RNF144B: variants seen among roughly 807,000 people sequenced by gnomAD.
RNF144B encodes the protein ring finger protein 144B.
In RNF144B, 25 loss-of-function variants were observed where a neutral mutation model predicts 40.2. The ratio of observed to expected loss-of-function variants is 0.62; its 90% CI spans 0.45 to 0.87. The LOEUF is 0.87. RNF144B is among the 40% of genes least tolerant of loss of function. The pLI, the probability that RNF144B is intolerant of heterozygous loss-of-function variation, is 0.00. For missense variants in RNF144B, 365 were observed against 373.7 expected, an observed-to-expected ratio of 0.98 and a Z score of 0.19; for synonymous variants, 145 against 136.3, an observed-to-expected ratio of 1.06 and a Z score of -0.44.
Position 18,422,771 on chromosome 6 carries a change from G to C in RNF144B, c.166-4810G>C, listed in dbSNP as rs1672321084. Among the ~76,000 whole-genome samples the C allele has an allele frequency of 6.6e-6, 1 of 152,150 alleles. No individual in the cohort carries two copies. Among genetic ancestry groups the C allele is most frequent in the African/African-American group, 2.4e-5 (1 of 41,428 alleles). On this transcript the variant is annotated intron_variant, in intron 2 of 7. Coordinates refer to ENST00000259939, the MANE Select transcript of RNF144B (RefSeq NM_182757.4). This position sits in a 1 kb window ranked among gnomAD's most constrained non-coding sequence, Gnocchi z 4.7. ...GAGCCCAGGAGTTTGAGACCAGCCT[G>C]CTTGGGCAACATAGACCCAATTTCA...
In RNF144B at chr6:18,414,131, C is replaced by T. The variant is rs1795101084; in HGVS notation, c.166-13450C>T. ...AATGTAACTTATAATTAGAAAGATGCTGATTTTGCTGTGGAGTCATTGAAT... is the reference window on the plus strand; with the variant it reads ...AATGTAACTTATAATTAGAAAGATGTTGATTTTGCTGTGGAGTCATTGAAT... On this transcript the variant is annotated intron_variant, in intron 2 of 7. Transcript: ENST00000259939. The surrounding 1 kb of genome is among the most constrained non-coding windows in gnomAD (Gnocchi z 4.9). Among the ~76,000 whole-genome samples, 1 of 152,158 alleles carries T rather than the reference C, an allele frequency of 6.6e-6. No homozygotes were observed. Among genetic ancestry groups the T allele is most frequent in the South Asian group, 2.1e-4 (1 of 4,836 alleles).
chr6:18,433,550 T>C (rs1226817867), intron 3 of RNF144B, among the ~76,000 whole-genome samples: 1 of 152,202 alleles, frequency 6.6e-6, no homozygotes, highest in Admixed American at 6.5e-5. Context: ...TTTTTACTTA[T>C]GACTGAGTGG....
chr6:18,392,035 T>TTA (rs773045415), intron 1 of RNF144B, among the ~76,000 whole-genome samples: 4 of 71,082 alleles, frequency 5.6e-5, no homozygotes, highest in East Asian at 9.9e-4. Context: ...CCATCTCTAC[T>TTA]AAAAAAAAAA....
intron 1 of RNF144B, among the ~76,000 whole-genome samples, chr6:18,397,495 T>C (rs2113458691): frequency 6.6e-6 from 1 of 152,360 alleles, no homozygotes; most frequent in Non-Finnish European, 1.5e-5. Flanking sequence ...TGATATAAAA[T>C]ATGAATATGT....
rs1795101726 is a variant in RNF144B at position 18,414,174 on chromosome 6, A to C, written c.166-13407A>C. Among the ~76,000 whole-genome samples the C allele has an allele frequency of 6.6e-6, 1 of 152,176 alleles. No individual in the cohort carries two copies. The highest frequency in any genetic ancestry group is 2.1e-4 in the South Asian group (1 of 4,822). Reference sequence around the variant, plus strand: ...CATTGAATATCATTATTTCAAAATAATTTTGAATAAAATGAGATTTCTAAT... The same window carrying C: ...CATTGAATATCATTATTTCAAAATACTTTTGAATAAAATGAGATTTCTAAT... On this transcript the variant is annotated intron_variant, in intron 2 of 7. Transcript: ENST00000259939. The surrounding 1 kb of genome is among the most constrained non-coding windows in gnomAD (Gnocchi z 4.9).
At position 18,402,422 on chromosome 6, in the gene RNF144B, A is replaced by T. The variant is rs1794813410; in HGVS notation, c.165+2723A>T. On this transcript the variant is annotated intron_variant, in intron 2 of 7. Coordinates refer to ENST00000259939, the MANE Select transcript of RNF144B (RefSeq NM_182757.4). ...TTAGAGAGACCTGGCCTTTAAATAG[A>T]TGCCCCAAGTGTGTTCCACGGACCA... Among the ~76,000 whole-genome samples, 2 of 88,536 alleles carry T rather than the reference A, an allele frequency of 2.3e-5. 1 individual carries two copies. The highest frequency in any genetic ancestry group is 5.3e-5 in the Non-Finnish European group (2 of 37,514). The allele number at this position is 88,536 out of a possible 152,430, so 58.1% of individuals were successfully genotyped here.
At chr6:18,462,745 T>G (rs984918528) in intron 6 of RNF144B, among the ~76,000 whole-genome samples, 6 of 152,096 alleles carry the variant, frequency 3.9e-5, no homozygotes, top group Non-Finnish European at 7.4e-5. Flanking sequence ...TCTCTCAAGT[T>G]CAACGTGTCC....
At chr6:18,392,273 C>A (rs1168153471) in intron 1 of RNF144B, among the ~76,000 whole-genome samples, 1 of 152,084 alleles carries the variant, frequency 6.6e-6, no homozygotes, top group Non-Finnish European at 1.5e-5. Flanking sequence ...ATCACAACGT[C>A]ATGTACATTG....
rs183051624 is a variant in RNF144B, at chr6:18,412,415, A to G, written c.165+12716A>G. On this transcript the variant is annotated intron_variant, in intron 2 of 7. Coordinates refer to ENST00000259939, the MANE Select transcript of RNF144B (RefSeq NM_182757.4). This position sits in a 1 kb window ranked among gnomAD's most constrained non-coding sequence, Gnocchi z 4.2. ...CATACAGTATGCTCAGTGCCAGTAT[A>G]GTTTCAACTGATTTTATACCTTGGT... Among the ~76,000 whole-genome samples, 3 of 152,368 alleles carry G rather than the reference A, an allele frequency of 2.0e-5. No individual in the cohort carries two copies. The highest frequency in any genetic ancestry group is 4.8e-5 in the African/African-American group (2 of 41,578).
rs1268867623 is a variant in RNF144B at position 18,464,416 on chromosome 6, A to G, written c.772-511A>G. Among the ~76,000 whole-genome samples, 1 of 152,174 alleles carries G rather than the reference A, an allele frequency of 6.6e-6. No individual in the cohort carries two copies. The highest frequency in any genetic ancestry group is 6.5e-5 in the Admixed American group (1 of 15,276). On this transcript the variant is annotated intron_variant, in intron 7 of 7. Transcript: ENST00000259939. This position sits in a 1 kb window ranked among gnomAD's most constrained non-coding sequence, Gnocchi z 6.1. ...TATCTCTCTGGCTTCTCTCCAATTCAGATCATTGCTGGGCACTAGCTGAAA... is the reference window on the plus strand; with the variant it reads ...TATCTCTCTGGCTTCTCTCCAATTCGGATCATTGCTGGGCACTAGCTGAAA...
rs527984 is a variant in RNF144B at position 18,466,519 on chromosome 6, C to T, written c.*1452C>T. On this transcript the variant is annotated 3_prime_UTR_variant, in exon 8 of 8. Transcript: ENST00000259939. ...TATACCATTAGTCAGATTTGAATAA[C>T]GAGGTTTTGAAAGGATAAAACCTTT... 0.18 allele frequency: 26,955 copies of T among 152,558 alleles called. 2,628 individuals are homozygous for T. Among genetic ancestry groups the T allele is most frequent in the East Asian group, 0.24 (1,256 of 5,176 alleles). The allele number at this position is 152,558 out of a possible 1,614,324, so 9.5% of individuals were successfully genotyped here.
chr6:18,420,158 A>ATTT (rs10635749), intron 2 of RNF144B, among the ~76,000 whole-genome samples: 33,423 of 150,586 alleles, frequency 0.22, 4,070 homozygotes, highest in East Asian at 0.44. Context: ...CGGGTTTCTG[A>ATTT]TTTTTTTTTT....
At position 18,387,532 on chromosome 6, in the gene RNF144B, A is replaced by G. The variant is rs757012214; in HGVS notation, c.-135A>G. 9.1e-6 allele frequency: 12 copies of G among 1,316,076 alleles called. No homozygotes were observed. Among genetic ancestry groups the G allele is most frequent in the Non-Finnish European group, 1.1e-5 (11 of 1,004,544 alleles). 81.5% of individuals were successfully genotyped at this position (1,316,076 alleles called of 1,614,324 possible). The stretch of plus-strand genomic sequence containing the variant: ...CACGGAGGAAAGACGGAGAGAATGG[A>G]AGAGCTCCTGTCCGGTGTGCCAGCA... On this transcript the variant is annotated 5_prime_UTR_variant, in exon 1 of 8. Coordinates refer to ENST00000259939, the MANE Select transcript of RNF144B (RefSeq NM_182757.4).
chr6:18,437,779 G>A (rs576652371), intron 3 of RNF144B, among the ~76,000 whole-genome samples: 1 of 152,214 alleles, frequency 6.6e-6, no homozygotes, highest in South Asian at 2.1e-4. Flanking sequence ...ACTTTTTACT[G>A]CATTAATTTC....
chr6:18,429,677 T>C (rs927512920), intron 3 of RNF144B, among the ~76,000 whole-genome samples: 1 of 152,192 alleles, frequency 6.6e-6, no homozygotes, highest in Non-Finnish European at 1.5e-5. Flanking sequence ...TTACTAAGAA[T>C]ATTGTTGATC....
intron 2 of RNF144B, among the ~76,000 whole-genome samples, chr6:18,415,636 C>T (rs939004759): frequency 1.3e-5 from 2 of 152,114 alleles, no homozygotes; most frequent in Non-Finnish European, 2.9e-5. Flanking sequence ...TAACTTTTTG[C>T]TTGCTTTATC....
chr6:18,451,267 G>A (rs1335013396), intron 4 of RNF144B, among the ~76,000 whole-genome samples: 4 of 152,090 alleles, frequency 2.6e-5, no homozygotes, highest in Non-Finnish European at 4.4e-5. Flanking sequence ...TGTGCCCAGG[G>A]TCTCTAACAA....
intron 4 of RNF144B, among the ~76,000 whole-genome samples, chr6:18,454,192 A>G (rs958469130): frequency 3.3e-5 from 5 of 152,196 alleles, no homozygotes; most frequent in Non-Finnish European, 7.3e-5. Flanking sequence ...CTATGTATCA[A>G]GGTGGAGATC....
At chr6:18,396,833 T>TC in intron 1 of RNF144B, 1 of 984,982 alleles carries the variant, frequency 1.0e-6, no homozygotes, top group Non-Finnish European at 1.2e-6. Context: ...GTAAAGTCAT[T>TC]CATTTTTACC....
Sources: allele counts gnomAD v4.1 joint callset (sites outside exome capture counted in the v4.1 genomes callset), GRCh38; gene constraint gnomAD v4.1.1; non-coding constraint Gnocchi (gnomAD v3.1); transcripts MANE v1.5; gene names NCBI Gene and HGNC (gene_info 2026-07-23, HGNC 2026-07-21).